EYA2: variants seen among roughly 807,000 people sequenced by gnomAD.
EYA2 encodes protein phosphatase EYA2.
Under a neutral mutation model 69.2 loss-of-function variants are expected in EYA2, and 31 were observed. The ratio of observed to expected loss-of-function variants is 0.45; its 90% CI spans 0.34 to 0.60. EYA2 has a LOEUF of 0.60. Among genes scored for constraint, EYA2 ranks in the 20% least tolerant of loss-of-function variants. The pLI, the probability that EYA2 is intolerant of heterozygous loss-of-function variation, is 0.02. For missense variants in EYA2, 622 were observed against 701.2 expected (o/e 0.89, Z 1.28); for synonymous variants, 257 against 279.4 (o/e 0.92, Z 0.80).
intron 1 of EYA2, among the ~76,000 whole-genome samples, chr20:46,903,168 T>C (rs1984196067): frequency 6.6e-6 from 1 of 152,216 alleles, no homozygotes; most frequent in African/African-American, 2.4e-5. Context: ...ATCCAGCATC[T>C]CCGGTAGGAG....
intron 9 of EYA2, 139 bp downstream of exon 9, chr20:47,097,307 A>C: frequency 3.2e-6 from 2 of 623,612 alleles, no homozygotes; most frequent in African/African-American, 1.9e-5. Flanking sequence ...GCCCAGGTTT[A>C]AAAATTCCTA....
At chr20:47,065,084 C>T (rs1325643363) in intron 5 of EYA2, among the ~76,000 whole-genome samples, 1 of 152,172 alleles carries the variant, frequency 6.6e-6, no homozygotes, top group Non-Finnish European at 1.5e-5. Context: ...ACCATCAGAT[C>T]TCATGAGACT....
intron 4 of EYA2, among the ~76,000 whole-genome samples, chr20:47,013,897 G>A (rs1983242033): frequency 6.6e-6 from 1 of 152,136 alleles, no homozygotes; most frequent in South Asian, 2.1e-4. Context: ...CACCATCGAT[G>A]GCATAAAACC....
intron 10 of EYA2, among the ~76,000 whole-genome samples, chr20:47,168,293 G>A (rs900602623): frequency 6.6e-6 from 1 of 152,050 alleles, no homozygotes; most frequent in African/African-American, 2.4e-5. Context: ...CTGGGTTCAA[G>A]CAGTTCTCCT....
intron 1 of EYA2, among the ~76,000 whole-genome samples, chr20:46,915,855 C>T (rs1337872380): frequency 1.3e-5 from 2 of 152,080 alleles, no homozygotes; most frequent in East Asian, 3.9e-4. Flanking sequence ...CCCTCTAGTA[C>T]CCCCGGACCT....
intron 10 of EYA2, among the ~76,000 whole-genome samples, chr20:47,148,797 C>A (rs1433514219): frequency 6.6e-6 from 1 of 152,200 alleles, no homozygotes; most frequent in Non-Finnish European, 1.5e-5. Flanking sequence ...AAACTGTCCT[C>A]CAGCCCCACT....
chr20:46,937,485 A>G (rs1467076326), intron 1 of EYA2, among the ~76,000 whole-genome samples: 1 of 152,122 alleles, frequency 6.6e-6, no homozygotes, highest in Non-Finnish European at 1.5e-5. Context: ...CTATTATCTT[A>G]TAGTACAGAT....
chr20:47,067,545 A>G (rs2031159490), intron 5 of EYA2, among the ~76,000 whole-genome samples: 1 of 152,236 alleles, frequency 6.6e-6, no homozygotes, highest in African/African-American at 2.4e-5. Flanking sequence ...CTATCAAAAT[A>G]GCTCATGTCA....
intron 5 of EYA2, among the ~76,000 whole-genome samples, chr20:47,047,878 T>C (rs1003089847): frequency 1.3e-5 from 2 of 151,542 alleles, no homozygotes; most frequent in Non-Finnish European, 2.9e-5. Context: ...TCATTTTCCC[T>C]GCTGCCCGCA....
rs3085767 is a variant in EYA2, at chr20:46,898,253, GT to G, written c.-11+3280del. On this transcript the variant is annotated intron_variant, in intron 1 of 15. Coordinates refer to ENST00000327619, the MANE Select transcript of EYA2 (RefSeq NM_005244.5). ...CCGGGTTTTTTGGGTTTTTGTGTTG[GT>G]TTTTTTTTTTTTTGGTTGTTTTTGT... is the stretch of plus-strand genomic sequence containing the variant. Among the ~76,000 whole-genome samples the G allele has an allele frequency of 4.2e-3, 574 of 136,648 alleles. 3 individuals carry two copies. Among genetic ancestry groups the G allele is most frequent in the African/African-American group, 0.012 (448 of 36,560 alleles). 89.6% of individuals were successfully genotyped at this position (136,648 alleles called of 152,430 possible).
intron 5 of EYA2, among the ~76,000 whole-genome samples, chr20:47,023,957 C>T (rs1983930677): frequency 6.6e-6 from 1 of 152,130 alleles, no homozygotes; most frequent in Admixed American, 6.6e-5. Flanking sequence ...TGATAACTTC[C>T]ATGTCTCTAC....
At chr20:47,183,465 C>T in intron 15 of EYA2, 74 bp downstream of exon 15, 1 of 1,352,116 alleles carries the variant, frequency 7.4e-7, no homozygotes. Flanking sequence ...GGGCTCCTTC[C>T]ATGATTTCCT....
At chr20:47,076,514 GT>G in intron 7 of EYA2, among the ~76,000 whole-genome samples, 1 of 152,100 alleles carries the variant, frequency 6.6e-6, no homozygotes, top group East Asian at 1.9e-4. Flanking sequence ...TTTGAGAAGT[GT>G]CTGTTCATGT....
intron 9 of EYA2, among the ~76,000 whole-genome samples, chr20:47,139,619 G>A (rs1015018603): frequency 7.9e-5 from 12 of 151,970 alleles, no homozygotes; most frequent in Admixed American, 2.0e-4. Flanking sequence ...TAGTGGAGAC[G>A]GGGTTTCTCC....
chr20:46,915,366 G>C (rs948297745), intron 1 of EYA2, among the ~76,000 whole-genome samples: 1 of 152,166 alleles, frequency 6.6e-6, no homozygotes, highest in African/African-American at 2.4e-5. Context: ...CCCTCTCATG[G>C]CCTGGATACG....
intron 10 of EYA2, among the ~76,000 whole-genome samples, chr20:47,164,222 G>A (rs1171467678): frequency 1.3e-5 from 2 of 152,162 alleles, no homozygotes; most frequent in Non-Finnish European, 1.5e-5. Flanking sequence ...GGCTCAAGGG[G>A]TAACTTGATC....
chr20:47,028,133 A>G (rs1266726247), intron 5 of EYA2, among the ~76,000 whole-genome samples: 7 of 152,198 alleles, frequency 4.6e-5, no homozygotes, highest in Admixed American at 3.3e-4. Flanking sequence ...CTGAATGCAC[A>G]TACTGAGGAC....
At chr20:47,079,960 A>G (rs1179186875) in intron 7 of EYA2, among the ~76,000 whole-genome samples, 3 of 152,244 alleles carry the variant, frequency 2.0e-5, no homozygotes, top group Non-Finnish European at 4.4e-5. Context: ...GGAAAACAAG[A>G]TCTGGAGTGA....
At chr20:47,184,951 A>G (rs1191828462) in intron 15 of EYA2, among the ~76,000 whole-genome samples, 1 of 152,164 alleles carries the variant, frequency 6.6e-6, no homozygotes, top group African/African-American at 2.4e-5. Context: ...CTCCCATAAA[A>G]GTCCCAGTGT....
Sources: allele counts gnomAD v4.1 joint callset (sites outside exome capture counted in the v4.1 genomes callset), GRCh38; gene constraint gnomAD v4.1.1; transcripts MANE v1.5; gene names NCBI Gene and HGNC (gene_info 2026-07-23, HGNC 2026-07-21).